The following KIF3A variants were observed in gnomAD, a reference collection of about 807,000 sequenced individuals.
The protein encoded by KIF3A is kinesin-like protein KIF3A.
A neutral mutation model predicts 92.6 loss-of-function variants in KIF3A; 27 were observed. The observed-to-expected ratio is 0.29, with a 90% CI of 0.21 to 0.40. The LOEUF (loss-of-function observed/expected upper bound fraction) is 0.40. Ranked by LOEUF, KIF3A falls within the 10% of genes least tolerant of loss-of-function variation. The pLI, the probability that KIF3A is intolerant of heterozygous loss-of-function variation, is 1.00. For missense variants in KIF3A, 581 were observed against 872.6 expected (o/e 0.67, Z 4.21); for synonymous variants, 250 against 275.4 (o/e 0.91, Z 0.92).
chr5:132,719,509 T>G (rs1381315658), intron 5 of KIF3A, among the ~76,000 whole-genome samples: 1 of 147,218 alleles, frequency 6.8e-6, no homozygotes, highest in African/African-American at 2.5e-5. Flanking sequence ...TCTTTTTTTC[T>G]TTTTTTTTTG....
intron 1 of KIF3A, among the ~76,000 whole-genome samples, chr5:132,737,142 C>T (rs1754423467): frequency 6.6e-6 from 1 of 152,242 alleles, no homozygotes; most frequent in Non-Finnish European, 1.5e-5. Flanking sequence ...TCCTCCAGCA[C>T]AGCGCCTTTT....
rs1313637674 is a variant in KIF3A, at chr5:132,724,831, ATATATATATATATATATATATATAT to A, written c.510+1272_510+1296del. Among the ~76,000 whole-genome samples, 359 of 82,472 alleles carry A rather than the reference ATATATATATATATATATATATATAT, an allele frequency of 4.4e-3. 20 individuals carry two copies. The highest frequency in any genetic ancestry group is 9.5e-3 in the Admixed American group (75 of 7,860). The allele number at this position is 82,472 out of a possible 152,430, so 54.1% of individuals were successfully genotyped here. On this transcript the variant is annotated intron_variant, in intron 4 of 18. Coordinates refer to ENST00000403231, the MANE Select transcript of KIF3A (RefSeq NM_001300791.2). ...AATATATATATATATATATATATAT[ATATATATATATATATATATATATAT>A]TAAAAAATCATTCTAAGAAAGGGAT... is the stretch of plus-strand genomic sequence containing the variant.
intron 4 of KIF3A, 59 bp from the exon 5 acceptor site, chr5:132,720,773 G>T: frequency 1.1e-6 from 1 of 950,598 alleles, no homozygotes; most frequent in Non-Finnish European, 1.6e-6. Flanking sequence ...TATTTATTGA[G>T]TATCTCCTAT....
rs185730752 is a variant in KIF3A at position 132,731,510 on chromosome 5, A to G, written c.280+2695T>C. The stretch of plus-strand genomic sequence containing the variant: ...GGGAACTTCCTCAAACCTACAAAGG[A>G]TATCTGTTAAAATTTACAGACATCA... On this transcript the variant is annotated intron_variant, in intron 2 of 18. Coordinates refer to ENST00000403231, the MANE Select transcript of KIF3A (RefSeq NM_001300791.2). 5.3e-5 allele frequency among the ~76,000 whole-genome samples: 8 copies of G among 152,332 alleles called. No individual in the cohort carries two copies. In the East Asian group the frequency reaches 1.5e-3, roughly 29 times the overall value.
At chr5:132,724,682 T>C (rs1753942329) in intron 4 of KIF3A, among the ~76,000 whole-genome samples, 3 of 150,674 alleles carry the variant, frequency 2.0e-5, no homozygotes, top group Admixed American at 6.6e-5. Context: ...TTAGGAGATA[T>C]ACCTAATGTA....
rs1440080134 is a variant in KIF3A at position 132,703,518 on chromosome 5, TTTC to T, written c.1408_1410del (p.Glu470del). 2 of 1,612,772 alleles carry T rather than the reference TTTC, an allele frequency of 1.2e-6. No homozygotes were observed. The highest frequency in any genetic ancestry group is 8.5e-7 in the Non-Finnish European group (1 of 1,179,230). On this transcript the variant is annotated inframe_deletion, in exon 12 of 19. Coordinates refer to ENST00000403231, the MANE Select transcript of KIF3A (RefSeq NM_001300791.2). Reference sequence around the variant, plus strand: ...TCTAATTCAGCTCTAGCCTTGTTTCTTTCTTCTTCTTCCATGTCGAGCTTTGTT... The same window carrying T: ...TCTAATTCAGCTCTAGCCTTGTTTCTTTCTTCTTCCATGTCGAGCTTTGTT...
chr5:132,726,397 C>A lies in KIF3A; in HGVS notation c.382G>T (p.Ala128Ser). The A allele has an allele frequency of 6.2e-7, 1 of 1,613,658 alleles. No homozygotes were observed. The highest frequency in any genetic ancestry group is 8.5e-7 in the Non-Finnish European group (1 of 1,179,700). ...ELRGIIPNSF[A>S]HIFGHIAKAE... ...TTTGCAATATGACCAAATATGTGAGCAAATGAATTGGGAATTATTCCTCTA... is the reference window on the plus strand; with the variant it reads ...TTTGCAATATGACCAAATATGTGAGAAAATGAATTGGGAATTATTCCTCTA... The change falls in exon 3 of 19, where the codon GCT becomes TCT. Residue 128 changes from alanine to serine, a missense_variant. Around this residue, in one of 5 missense-constraint regions of KIF3A, gnomAD observed 217 missense variants for 299.7 expected, o/e 0.72. Coordinates refer to ENST00000403231, the MANE Select transcript of KIF3A (RefSeq NM_001300791.2).
chr5:132,694,809 AT>A lies in KIF3A; in HGVS notation c.*1824del, dbSNP rs1290279603. On this transcript the variant is annotated 3_prime_UTR_variant, in exon 19 of 19. Transcript: ENST00000403231. ...AATGCCCCACAGAGTTAAGTAATAA[AT>A]TTCTAGCTATCTTACATACCACAAA... The A allele has an allele frequency of 1.3e-5, 2 of 152,352 alleles. No individual in the cohort carries two copies. Among genetic ancestry groups the A allele is most frequent in the African/African-American group, 4.8e-5 (2 of 41,456 alleles). The allele number at this position is 152,352 out of a possible 1,614,324, so 9.4% of individuals were successfully genotyped here. A position where few individuals can be genotyped will look rare whatever the true frequency, so the allele number is the denominator to read the frequency against.
At chr5:132,709,124 C>T in intron 9 of KIF3A, 146 bp from the exon 10 acceptor site, 1 of 635,940 alleles carries the variant, frequency 1.6e-6, no homozygotes. Context: ...AATTTACTTT[C>T]CTAAAAACCA....
At position 132,737,487 on chromosome 5, in the gene KIF3A, G is replaced by T. The variant is rs550967137; in HGVS notation, c.-68C>A. On this transcript the variant is annotated 5_prime_UTR_variant, in exon 1 of 19. In the 5' UTR this introduces an upstream ATG that the reference lacks. Transcript: ENST00000403231. The stretch of plus-strand genomic sequence containing the variant: ...GCAGCCCAGCGACACCGGGTGCGCA[G>T]AAAGGATGGCCAGAGACTACCGAAA... The T allele has an allele frequency of 2.5e-5, 39 of 1,577,150 alleles. No homozygotes were observed. In the South Asian group the frequency reaches 4.3e-4, roughly 18 times the overall value.
chr5:132,708,947 TGTGGA>T lies in KIF3A; in HGVS notation c.1255_1259del (p.Ser419MetfsTer10), dbSNP rs1753320483. ...CCAGAGGTTTCTCTATGACAGAACA[TGTGGA>T]GTCTGAACTACTGCTGCTGCTACTG... On this transcript the variant is annotated frameshift_variant, in exon 10 of 19. Transcript: ENST00000403231. LOFTEE classifies it high-confidence loss of function. 6.5e-7 allele frequency: 1 copy of T among 1,550,304 alleles called. No homozygotes were observed. Among genetic ancestry groups the T allele is most frequent in the Non-Finnish European group, 8.7e-7 (1 of 1,146,842 alleles).
intron 18 of KIF3A, among the ~76,000 whole-genome samples, chr5:132,698,359 T>G (rs1752908128): frequency 6.6e-6 from 1 of 152,104 alleles, no homozygotes; most frequent in African/African-American, 2.4e-5. Context: ...GACTCCCATA[T>G]CCCGATTTCC....
At chr5:132,711,580 ACT>A (rs1491436503) in intron 8 of KIF3A, among the ~76,000 whole-genome samples, 1 of 132,124 alleles carries the variant, frequency 7.6e-6, no homozygotes, top group Non-Finnish European at 1.7e-5. Flanking sequence ...CAACAGAGTG[ACT>A]CTGTCTCAAA....
chr5:132,706,494 G>A (rs1753217007), intron 10 of KIF3A, 35 bp from the exon 11 acceptor site: 23 of 1,533,180 alleles, frequency 1.5e-5, no homozygotes, highest in East Asian at 2.5e-5. Flanking sequence ...ATCGCAGACA[G>A]GAAGCAATAC....
intron 4 of KIF3A, chr5:132,723,037 T>C (rs1753878107): frequency 6.6e-6 from 1 of 152,318 alleles, no homozygotes; most frequent in South Asian, 2.1e-4. Flanking sequence ...ATTTTATTAA[T>C]GTCACATATG....
intron 14 of KIF3A, 64 bp downstream of exon 14, chr5:132,702,494 A>T: frequency 1.1e-6 from 1 of 908,136 alleles, no homozygotes; most frequent in Non-Finnish European, 1.7e-6. Context: ...TAAATTCTTA[A>T]TCAAAGAACT....
At chr5:132,703,273 G>A (rs753007634) in intron 12 of KIF3A, among the ~76,000 whole-genome samples, 190 bp downstream of exon 12, 9 of 151,738 alleles carry the variant, frequency 5.9e-5, no homozygotes, top group Non-Finnish European at 1.3e-4. Flanking sequence ...CCTATCACAC[G>A]GAAATAAAAT....
At chr5:132,719,030 A>G (rs1753736603) in intron 5 of KIF3A, among the ~76,000 whole-genome samples, 1 of 149,726 alleles carries the variant, frequency 6.7e-6, no homozygotes, top group Non-Finnish European at 1.5e-5. Flanking sequence ...TGTTACATCT[A>G]AAAATATTTT....
intron 10 of KIF3A, among the ~76,000 whole-genome samples, chr5:132,708,257 A>G (rs1028861806): frequency 2.7e-5 from 4 of 148,742 alleles, no homozygotes; most frequent in Non-Finnish European, 4.5e-5. Context: ...ACTCCGGCCT[A>G]GGCAAAAGAG....
Sources: allele counts gnomAD v4.1 joint callset (sites outside exome capture counted in the v4.1 genomes callset), GRCh38; gene constraint gnomAD v4.1.1; regional missense constraint gnomAD v4.1.1; transcripts MANE v1.5; gene names NCBI Gene and HGNC (gene_info 2026-07-23, HGNC 2026-07-21).